FBXW7: variants seen among roughly 807,000 people sequenced by gnomAD.
FBXW7 encodes the protein F-box/WD repeat-containing protein 7.
FBXW7 carries 11 observed loss-of-function variants against 86.3 expected under a neutral mutation model. The ratio of observed to expected loss-of-function variants is 0.13; its 90% CI spans 0.08 to 0.21. FBXW7 has a LOEUF of 0.21. Among genes scored for constraint, FBXW7 ranks in the 10% least tolerant of loss-of-function variants. FBXW7 has a pLI of 1.00. For synonymous variants in FBXW7, 313 were observed against 297.9 expected, an observed-to-expected ratio of 1.05 and a Z score of -0.52; for missense variants, 488 against 847.4, an observed-to-expected ratio of 0.58 and a Z score of 5.27.
At chr4:152,353,332 C>T (rs762063300) in intron 4 of FBXW7, among the ~76,000 whole-genome samples, 6 of 151,992 alleles carry the variant, frequency 3.9e-5, no homozygotes, top group Non-Finnish European at 5.9e-5. Context: ...GGTTTGGAGC[C>T]GACAGCATTT....
chr4:152,524,649 G>A (rs1029295019), intron 2 of FBXW7, among the ~76,000 whole-genome samples: 2 of 151,868 alleles, frequency 1.3e-5, no homozygotes, highest in South Asian at 2.1e-4. Context: ...CAAAACTTCC[G>A]GAGCCACTCT....
chr4:152,348,881 C>A, intron 5 of FBXW7: 1 of 175,948 alleles, frequency 5.7e-6, no homozygotes, highest in Non-Finnish European at 1.2e-5. Flanking sequence ...GTAAAACTGT[C>A]AAAAGGCAAA....
rs150952744 is a variant in FBXW7 at position 152,364,476 on chromosome 4, A to G, written c.502-14352T>C. Among the ~76,000 whole-genome samples the G allele has an allele frequency of 1.1e-3, 161 of 152,344 alleles. 1 individual carries two copies. Among genetic ancestry groups the G allele is most frequent in the African/African-American group, 3.7e-3 (153 of 41,596 alleles). On this transcript the variant is annotated intron_variant, in intron 4 of 13. Coordinates refer to ENST00000281708, the MANE Select transcript of FBXW7 (RefSeq NM_001349798.2). ...AAGTTATGAATCATAATATTTATGAAAGAAACTGCTTCAAATGTTCTTTGT... is the reference window on the plus strand; with the variant it reads ...AAGTTATGAATCATAATATTTATGAGAGAAACTGCTTCAAATGTTCTTTGT...
chr4:152,463,541 T>A (rs896025216), intron 2 of FBXW7, among the ~76,000 whole-genome samples: 5 of 152,070 alleles, frequency 3.3e-5, no homozygotes, highest in African/African-American at 9.7e-5. Flanking sequence ...GACATGAGAA[T>A]AGGTGGACAG....
intron 4 of FBXW7, among the ~76,000 whole-genome samples, chr4:152,351,070 T>G (rs1351694065): frequency 1.3e-5 from 2 of 152,050 alleles, no homozygotes; most frequent in Non-Finnish European, 2.9e-5. Flanking sequence ...GTCCACTAAT[T>G]AATCACTGTA....
intron 2 of FBXW7, among the ~76,000 whole-genome samples, chr4:152,478,496 TTTAG>T (rs1204771662): frequency 1.3e-5 from 2 of 152,160 alleles, no homozygotes; most frequent in African/African-American, 2.4e-5. Flanking sequence ...TCATCTTTTA[TTTAG>T]TATGAGTAAT....
chr4:152,363,544 T>C (rs1029741461), intron 4 of FBXW7, among the ~76,000 whole-genome samples: 1 of 152,164 alleles, frequency 6.6e-6, no homozygotes, highest in African/African-American at 2.4e-5. Flanking sequence ...TTAAACCAAA[T>C]GTATACAAGA....
intron 2 of FBXW7, among the ~76,000 whole-genome samples, chr4:152,466,075 A>G (rs1743400134): frequency 6.6e-6 from 1 of 152,224 alleles, no homozygotes; most frequent in Non-Finnish European, 1.5e-5. Context: ...GCGCATTTAT[A>G]TTACAACCTC....
intron 4 of FBXW7, among the ~76,000 whole-genome samples, chr4:152,381,305 A>C (rs1291563838): frequency 1.3e-5 from 2 of 152,138 alleles, no homozygotes; most frequent in Non-Finnish European, 2.9e-5. Context: ...GAAAAAGTAC[A>C]ATACAATTAT....
chr4:152,453,917 C>G (rs990238866), intron 2 of FBXW7, among the ~76,000 whole-genome samples: 1 of 152,006 alleles, frequency 6.6e-6, no homozygotes, highest in Non-Finnish European at 1.5e-5. Flanking sequence ...GAAATATTAG[C>G]AATATTGCTT....
At position 152,350,071 on chromosome 4, in the gene FBXW7, C is replaced by T. The variant is rs1294346788; in HGVS notation, c.555G>A (p.Lys185=). ...GSEVRSFSLG[K]KPCKVSEYTS... ...TATATTCTGAGACTTTGCATGGTTT[C>T]TTTCCCAAAGAAAAAGAGCGGACCT... Residue 185 remains lysine, a synonymous_variant, in exon 5 of 14, where the codon AAG becomes AAA. Coordinates refer to ENST00000281708, the MANE Select transcript of FBXW7 (RefSeq NM_001349798.2). 2 of 1,564,708 alleles carry T rather than the reference C, an allele frequency of 1.3e-6. No homozygotes were observed. Among genetic ancestry groups the T allele is most frequent in the Non-Finnish European group, 1.7e-6 (2 of 1,150,282 alleles).
At chr4:152,356,199 A>G (rs1732371975) in intron 4 of FBXW7, among the ~76,000 whole-genome samples, 1 of 152,130 alleles carries the variant, frequency 6.6e-6, no homozygotes, top group Non-Finnish European at 1.5e-5. Flanking sequence ...TCTCCTCCCT[A>G]AAGATTCACA....
intron 6 of FBXW7, among the ~76,000 whole-genome samples, chr4:152,341,718 G>C (rs1730758035): frequency 6.6e-6 from 1 of 152,188 alleles, no homozygotes; most frequent in Non-Finnish European, 1.5e-5. Flanking sequence ...GGCTCCAAGA[G>C]TGGTTTCAAA....
chr4:152,510,412 T>C (rs1295909341), intron 2 of FBXW7, among the ~76,000 whole-genome samples: 1 of 152,186 alleles, frequency 6.6e-6, no homozygotes, highest in Non-Finnish European at 1.5e-5. Context: ...AACAACAGTA[T>C]GAGAGTAACT....
chr4:152,447,667 C>T (rs569192986), intron 2 of FBXW7, among the ~76,000 whole-genome samples: 80 of 152,136 alleles, frequency 5.3e-4, no homozygotes, highest in African/African-American at 1.8e-3. Context: ...TTTATATATC[C>T]TCATCAGTAT....
chr4:152,465,630 G>C (rs1743339037), intron 2 of FBXW7, among the ~76,000 whole-genome samples: 1 of 152,036 alleles, frequency 6.6e-6, no homozygotes, highest in Admixed American at 6.5e-5. Context: ...GGATACCTGA[G>C]GTCAGGAGTT....
intron 2 of FBXW7, among the ~76,000 whole-genome samples, chr4:152,531,443 A>G (rs1157087046): frequency 6.6e-6 from 1 of 152,190 alleles, no homozygotes; most frequent in Admixed American, 6.5e-5. Flanking sequence ...GGAACACAAA[A>G]AAGTGTGAAT....
intron 2 of FBXW7, among the ~76,000 whole-genome samples, chr4:152,496,715 T>G (rs1324991761): frequency 6.6e-6 from 1 of 152,004 alleles, no homozygotes; most frequent in Non-Finnish European, 1.5e-5. Flanking sequence ...GAAATATCAA[T>G]GACAGTCAAC....
At chr4:152,370,525 C>A (rs1366813740) in intron 4 of FBXW7, among the ~76,000 whole-genome samples, 2 of 151,876 alleles carry the variant, frequency 1.3e-5, no homozygotes, top group African/African-American at 4.8e-5. Flanking sequence ...CTAATGAATG[C>A]AAACATGGAA....
Sources: allele counts gnomAD v4.1 joint callset (sites outside exome capture counted in the v4.1 genomes callset), GRCh38; gene constraint gnomAD v4.1.1; transcripts MANE v1.5; gene names NCBI Gene and HGNC (gene_info 2026-07-23, HGNC 2026-07-21).